Variants in RBM5 observed in about 807,000 individuals in gnomAD.
RBM5 encodes the protein RNA binding motif protein 5, also known as RNA-binding protein 5.
A neutral mutation model predicts 124.6 loss-of-function variants in RBM5; 15 were observed. That is an observed-to-expected ratio of 0.12 (90% CI 0.08 to 0.19). The LOEUF (loss-of-function observed/expected upper bound fraction) is 0.19. RBM5 is among the 10% of genes least tolerant of loss of function. RBM5 has a pLI of 1.00. For synonymous variants in RBM5, 337 were observed against 361.2 expected, an observed-to-expected ratio of 0.93 and a Z score of 0.76; for missense variants, 580 against 1,026.5, an observed-to-expected ratio of 0.57 and a Z score of 5.94.
At chr3:50,092,814 C>A in intron 3 of RBM5, 1 of 428,114 alleles carries the variant, frequency 2.3e-6, no homozygotes. Context: ...TTTGGGAGGC[C>A]GAGGCAGGAG....
chr3:50,104,390 C>T (rs1400461418), intron 8 of RBM5, 82 bp downstream of exon 8: 8 of 1,394,796 alleles, frequency 5.7e-6, no homozygotes, highest in African/African-American at 1.4e-5. Context: ...GTAATCCCAC[C>T]ACTTTGCAAG....
chr3:50,105,429 G>T, intron 9 of RBM5, 120 bp from the exon 10 acceptor site: 1 of 1,105,256 alleles, frequency 9.0e-7, no homozygotes, highest in South Asian at 1.6e-5. Context: ...CCATGTCAGG[G>T]TAGAAAATAC....
At chr3:50,104,122 C>A (rs1333851010) in intron 7 of RBM5, 126 bp from the exon 8 acceptor site, 1 of 740,198 alleles carries the variant, frequency 1.4e-6, no homozygotes, top group Non-Finnish European at 2.3e-6. Context: ...GTCCCCATGT[C>A]TCAGCTACGT....
intron 8 of RBM5, chr3:50,104,535 C>G (rs554244636): frequency 8.1e-6 from 4 of 493,888 alleles, no homozygotes; most frequent in Admixed American, 6.9e-5. Flanking sequence ...CCTAGCTACT[C>G]AGGAGGTTTA....
chr3:50,106,953 A>G lies in RBM5; in HGVS notation c.953+89A>G, dbSNP rs3733132. ...TGAACGCCAAGCCTGTGCCCCAAGT[A>G]TGTTGAGACACTGTGATCCTCCCTG... On this transcript the variant is annotated intron_variant, in intron 11 of 24. Coordinates refer to ENST00000347869, the MANE Select transcript of RBM5 (RefSeq NM_005778.4). 2,857 of 1,094,034 alleles carry G rather than the reference A, an allele frequency of 2.6e-3. 39 individuals carry two copies. The East Asian group carries it at 0.036, about 14-fold the overall frequency. The allele number at this position is 1,094,034 out of a possible 1,614,324, so 67.8% of individuals were successfully genotyped here.
At chr3:50,118,121 T>A in intron 24 of RBM5, 1 of 631,124 alleles carries the variant, frequency 1.6e-6, no homozygotes, top group Middle Eastern at 4.4e-4. Context: ...GGTGGGTGAT[T>A]TGCTTCATCT....
intron 7 of RBM5, among the ~76,000 whole-genome samples, chr3:50,103,629 G>C (rs2109002240): frequency 6.6e-6 from 1 of 152,174 alleles, no homozygotes; most frequent in East Asian, 1.9e-4. Flanking sequence ...CTGGGTGACA[G>C]AGTGAGACTC....
chr3:50,094,132 T>C, intron 4 of RBM5: 1 of 293,340 alleles, frequency 3.4e-6, no homozygotes, highest in Non-Finnish European at 6.3e-6. Context: ...ATGCCAAAGG[T>C]AATTTTATAC....
At chr3:50,107,672 C>CTTTCTTTT (rs2091061330) in intron 12 of RBM5, 103 bp downstream of exon 12, 1 of 97,172 alleles carries the variant, frequency 1.0e-5, no homozygotes, top group Non-Finnish European at 1.9e-5. Context: ...CTTTTCTTTT[C>CTTTCTTTT]TTTTTTTTTT....
At chr3:50,099,481 T>G (rs1013708432) in intron 4 of RBM5, 2 of 152,222 alleles carry the variant, frequency 1.3e-5, no homozygotes, top group African/African-American at 4.8e-5. Flanking sequence ...GCATATCACT[T>G]GAGGCCAGGA....
At chr3:50,089,991 A>T (rs1359053552) in intron 1 of RBM5, 1 of 164,488 alleles carries the variant, frequency 6.1e-6, no homozygotes, top group East Asian at 1.7e-4. Flanking sequence ...ATTAATGAAG[A>T]CACTTGGATT....
Position 50,100,703 on chromosome 3 carries a change from CTT to C in RBM5, c.483+105_483+106del. The C allele has an allele frequency of 1.1e-6, 1 of 923,448 alleles. No homozygotes were observed. The highest frequency in any genetic ancestry group is 2.7e-5 in the Admixed American group (1 of 36,426). The allele number at this position is 923,448 out of a possible 1,614,324, so 57.2% of individuals were successfully genotyped here. ...GGAGTGGTTTGTTCCAAAGGAGTGACTTTTTTTTAAAAAAAAAGCTTTGTATA... is the reference window on the plus strand; with the variant it reads ...GGAGTGGTTTGTTCCAAAGGAGTGACTTTTTTAAAAAAAAAGCTTTGTATA... On this transcript the variant is annotated intron_variant, in intron 6 of 24. Transcript: ENST00000347869. The surrounding 1 kb of genome is among the most constrained non-coding windows in gnomAD (Gnocchi z 5.1).
chr3:50,118,166 C>A, intron 24 of RBM5, 165 bp from the exon 25 acceptor site: 2 of 942,246 alleles, frequency 2.1e-6, no homozygotes, highest in Non-Finnish European at 3.1e-6. Flanking sequence ...TTCCTCCAGT[C>A]CTTATACTTG....
intron 14 of RBM5, 23 bp downstream of exon 14, chr3:50,108,327 T>C: frequency 6.3e-7 from 1 of 1,578,534 alleles, no homozygotes; most frequent in Non-Finnish European, 8.7e-7. Flanking sequence ...ATCTCCCTTT[T>C]ACCTTTTGTT....
chr3:50,105,790 C>CT, intron 10 of RBM5, 81 bp downstream of exon 10: 1 of 1,462,726 alleles, frequency 6.8e-7, no homozygotes, highest in Non-Finnish European at 9.3e-7. Flanking sequence ...TTGAAACTGT[C>CT]TGAGGCTCCT....
At chr3:50,109,944 G>A in intron 15 of RBM5, 1 of 355,954 alleles carries the variant, frequency 2.8e-6, no homozygotes, top group Middle Eastern at 7.9e-4. Context: ...CGGGTGTGGT[G>A]GCTCGCGCCT....
rs1346914990 is a variant in RBM5 at position 50,108,279 on chromosome 3, G to A, written c.1167G>A (p.Leu389=). The change falls in exon 14 of 25, where the codon TTG becomes TTA. Residue 389 remains leucine (L), a synonymous_variant. Transcript: ENST00000347869. ...QQFYQQQAGG[L]ESDASSASGT... ...TTTATCAACAACAAGCTGGAGGATT[G>A]GAATCTGATGCATCATCTGCATCAG... is the stretch of plus-strand genomic sequence containing the variant. 6.2e-7 allele frequency: 1 copy of A among 1,612,874 alleles called. No individual in the cohort carries two copies. The highest frequency in any genetic ancestry group is 1.1e-5 in the South Asian group (1 of 91,054).
rs9828683 is a variant in RBM5 at position 50,109,106 on chromosome 3, C to T, written c.1193-497C>T. On this transcript the variant is annotated intron_variant, in intron 14 of 24. Coordinates refer to ENST00000347869, the MANE Select transcript of RBM5 (RefSeq NM_005778.4). The stretch of plus-strand genomic sequence containing the variant: ...CTTTTTTTTTTGAGACGGAGTCTCG[C>T]TCTGTTGCCCAGGCTGGAGTGCGGT... Among the ~76,000 whole-genome samples, 519 of 152,260 alleles carry T rather than the reference C, an allele frequency of 3.4e-3. 3 individuals are homozygous for T. Among genetic ancestry groups the T allele is most frequent in the African/African-American group, 0.012 (501 of 41,548 alleles).
At chr3:50,089,380 A>G (rs1360764458) in intron 1 of RBM5, among the ~76,000 whole-genome samples, 2 of 152,168 alleles carry the variant, frequency 1.3e-5, no homozygotes, top group East Asian at 1.9e-4. Flanking sequence ...CCCCCGCTCA[A>G]CTGCAACTGA....
Sources: gnomAD v4.1 joint callset for allele counts (sites outside exome capture counted in the v4.1 genomes callset) on GRCh38, gnomAD v4.1.1 for gene constraint, Gnocchi (gnomAD v3.1) non-coding constraint, MANE v1.5 for transcripts, NCBI Gene and HGNC (gene_info 2026-07-23, HGNC 2026-07-21) for gene names.